Variants in MCOLN2 observed in about 807,000 individuals in gnomAD.
The protein encoded by MCOLN2 is mucolipin TRP cation channel 2.
MCOLN2 carries 57 observed loss-of-function variants against 67.5 expected under a neutral mutation model. The observed-to-expected ratio is 0.84, with a 90% CI of 0.68 to 1.05. MCOLN2 has a LOEUF of 1.05. MCOLN2 is among the 50% of genes least tolerant of loss of function. The pLI is 0.00. For missense variants in MCOLN2, 620 were observed against 678.8 expected, an observed-to-expected ratio of 0.91 and a Z score of 0.96; for synonymous variants, 246 against 233.3, an observed-to-expected ratio of 1.05 and a Z score of -0.50.
At chr1:84,936,603 C>T (rs995772301) in intron 11 of MCOLN2, among the ~76,000 whole-genome samples, 2 of 152,114 alleles carry the variant, frequency 1.3e-5, no homozygotes, top group Admixed American at 1.3e-4. Context: ...ACTACCAACC[C>T]AGAGGTTGTC....
chr1:84,969,712 T>TA (rs35302460), intron 1 of MCOLN2, among the ~76,000 whole-genome samples: 35,968 of 152,158 alleles, frequency 0.24, 4,752 homozygotes, highest in East Asian at 0.37. Flanking sequence ...AATGAGCACT[T>TA]AGTCCGCGGA....
chr1:84,955,644 C>T (rs60969677), intron 4 of MCOLN2, among the ~76,000 whole-genome samples: 30,590 of 151,998 alleles, frequency 0.2, 3,397 homozygotes, highest in South Asian at 0.28. Flanking sequence ...TTTACCACTG[C>T]GGTTTCTGCA....
At chr1:84,992,250 C>G (rs12130357) in intron 1 of MCOLN2, among the ~76,000 whole-genome samples, 63,927 of 152,040 alleles carry the variant, frequency 0.42, 14,185 homozygotes, top group East Asian at 0.63. Flanking sequence ...ATTATTGCCT[C>G]GCAGATGTTT....
intron 11 of MCOLN2, among the ~76,000 whole-genome samples, chr1:84,935,897 C>T (rs1173491295): frequency 6.6e-6 from 1 of 152,186 alleles, no homozygotes; most frequent in Non-Finnish European, 1.5e-5. Flanking sequence ...GATTACATGG[C>T]TGTCCTCTCA....
intron 3 of MCOLN2, among the ~76,000 whole-genome samples, chr1:84,956,982 C>A (rs190904256): frequency 6.6e-6 from 1 of 152,134 alleles, no homozygotes; most frequent in Admixed American, 6.5e-5. Context: ...CATACCCGCT[C>A]GGTTTACTCA....
intron 1 of MCOLN2, among the ~76,000 whole-genome samples, chr1:84,982,489 T>G (rs1650306111): frequency 6.6e-6 from 1 of 152,190 alleles, no homozygotes; most frequent in South Asian, 2.1e-4. Context: ...AAATGTTCAT[T>G]TTATCTGTTT....
At chr1:84,973,345 G>T (rs895674099) in intron 1 of MCOLN2, among the ~76,000 whole-genome samples, 27 of 152,126 alleles carry the variant, frequency 1.8e-4, no homozygotes, top group African/African-American at 6.5e-4. Context: ...CAGTGTGGTG[G>T]TGGATGCCTA....
chr1:84,992,002 T>C (rs909494647), intron 1 of MCOLN2, among the ~76,000 whole-genome samples: 1 of 152,206 alleles, frequency 6.6e-6, no homozygotes, highest in African/African-American at 2.4e-5. Context: ...TGACTCTCCC[T>C]AAGGAAAAGA....
At position 84,926,479 on chromosome 1, in the gene MCOLN2, G is replaced by A; in HGVS notation, c.*206C>T. 1 of 410,464 alleles carries A rather than the reference G, an allele frequency of 2.4e-6. No individual in the cohort carries two copies. Among genetic ancestry groups the A allele is most frequent in the Non-Finnish European group, 4.4e-6 (1 of 229,538 alleles). The allele number at this position is 410,464 out of a possible 1,614,324, so 25.4% of individuals were successfully genotyped here. ...TATATTGCACTAATGCCCAGTAGTA[G>A]CCCATGGTCTATTCTTTATCATTCA... On this transcript the variant is annotated 3_prime_UTR_variant, in exon 14 of 14. Transcript: ENST00000370608.
At chr1:84,968,215 C>T (rs952743143) in intron 1 of MCOLN2, among the ~76,000 whole-genome samples, 44 of 152,030 alleles carry the variant, frequency 2.9e-4, no homozygotes, top group African/African-American at 1.0e-3. Context: ...AAAAATAGAC[C>T]CATCCTGATA....
Position 84,939,540 on chromosome 1 carries a change from G to C in MCOLN2, c.1110+13C>G. On this transcript the variant is annotated intron_variant, in intron 9 of 13. Coordinates refer to ENST00000370608, the MANE Select transcript of MCOLN2 (RefSeq NM_153259.4). The stretch of plus-strand genomic sequence containing the variant: ...AAGATGAAGAACAGAGACTTTAAAT[G>C]GGCTTCCCTCACCTTTGCTTTGATT... 1 of 1,613,028 alleles carries C rather than the reference G, an allele frequency of 6.2e-7. No homozygotes were observed. The highest frequency in any genetic ancestry group is 1.1e-5 in the South Asian group (1 of 90,970).
intron 1 of MCOLN2, among the ~76,000 whole-genome samples, chr1:84,980,576 A>G (rs975398122): frequency 4.6e-5 from 7 of 152,230 alleles, no homozygotes; most frequent in African/African-American, 1.4e-4. Flanking sequence ...AAACTGGGGA[A>G]AAGGCAGTCT....
intron 1 of MCOLN2, among the ~76,000 whole-genome samples, chr1:84,986,832 T>TA (rs1416736467): frequency 6.6e-6 from 1 of 152,156 alleles, no homozygotes. Context: ...CACAATGTGA[T>TA]ACCACCTCAC....
chr1:84,953,182 G>A (rs569659966), intron 4 of MCOLN2, among the ~76,000 whole-genome samples: 7 of 152,048 alleles, frequency 4.6e-5, no homozygotes, highest in African/African-American at 7.2e-5. Context: ...AAGTATTTAG[G>A]GGCAAAGGAA....
chr1:84,977,127 G>GTT (rs751820874), intron 1 of MCOLN2, among the ~76,000 whole-genome samples: 2 of 130,362 alleles, frequency 1.5e-5, no homozygotes, highest in African/African-American at 6.0e-5. Flanking sequence ...GTTTTTATTA[G>GTT]TTATTTTTTT....
intron 1 of MCOLN2, among the ~76,000 whole-genome samples, chr1:84,974,419 G>A (rs1015678385): frequency 5.3e-5 from 8 of 151,530 alleles, no homozygotes; most frequent in African/African-American, 1.9e-4. Flanking sequence ...GAAGAGTGGG[G>A]AGGACTTTGT....
chr1:84,971,864 C>T (rs1649707182), intron 1 of MCOLN2: 1 of 152,102 alleles, frequency 6.6e-6, no homozygotes, highest in African/African-American at 2.4e-5. Context: ...GAGTTCAAGA[C>T]CAGCCTGGCC....
At chr1:84,929,933 TA>T (rs869105033) in intron 12 of MCOLN2, 1,119 of 194,466 alleles carry the variant, frequency 5.8e-3, no homozygotes, top group South Asian at 0.01. Flanking sequence ...AGGTTTTTTT[TA>T]AAAAAAAAAA....
chr1:84,940,158 T>A (rs1462586626), intron 8 of MCOLN2, among the ~76,000 whole-genome samples: 1 of 152,016 alleles, frequency 6.6e-6, no homozygotes, highest in Non-Finnish European at 1.5e-5. Context: ...GGAAAGGACC[T>A]TAACTTTGCA....
Sources: gnomAD v4.1 joint callset for allele counts (sites outside exome capture counted in the v4.1 genomes callset) on GRCh38, gnomAD v4.1.1 for gene constraint, MANE v1.5 for transcripts, NCBI Gene and HGNC (gene_info 2026-07-23, HGNC 2026-07-21) for gene names.